Variants in ZBTB16 observed in about 807,000 individuals in gnomAD.
ZBTB16 encodes the protein zinc finger and BTB domain containing 16.
A neutral mutation model predicts 56.8 loss-of-function variants in ZBTB16; 8 were observed. The ratio of observed to expected loss-of-function variants is 0.14; its 90% confidence interval spans 0.08 to 0.25. ZBTB16 has a LOEUF of 0.25. Among genes scored for constraint, ZBTB16 ranks in the 10% least tolerant of loss-of-function variants. The pLI, the probability that ZBTB16 is intolerant of heterozygous loss-of-function variation, is 1.00. For missense variants in ZBTB16, 625 were observed against 903.0 expected, an observed-to-expected ratio of 0.69 and a Z score of 3.95; for synonymous variants, 363 against 368.5, an observed-to-expected ratio of 0.98 and a Z score of 0.17.
intron 1 of ZBTB16, among the ~76,000 whole-genome samples, chr11:114,062,640 TG>T (rs1400498777): frequency 6.6e-6 from 1 of 152,224 alleles, no homozygotes; most frequent in African/African-American, 2.4e-5. Context: ...GGATAGCCTT[TG>T]CGGAGGAGAG....
At chr11:114,082,116 C>CA (rs55670871) in intron 2 of ZBTB16, among the ~76,000 whole-genome samples, 13,440 of 138,400 alleles carry the variant, frequency 0.097, 835 homozygotes, top group Middle Eastern at 0.17. Context: ...ACGATCTTTA[C>CA]AAAAAAAAAA....
chr11:114,224,924 A>C (rs976929443), intron 4 of ZBTB16, among the ~76,000 whole-genome samples: 1 of 152,126 alleles, frequency 6.6e-6, no homozygotes, highest in Non-Finnish European at 1.5e-5. Flanking sequence ...GTGTCAGTGG[A>C]ATGATAGAAG....
At chr11:114,175,427 C>G (rs532724962) in intron 3 of ZBTB16, among the ~76,000 whole-genome samples, 26 of 152,218 alleles carry the variant, frequency 1.7e-4, no homozygotes, top group African/African-American at 6.0e-4. Flanking sequence ...CCCAACAACT[C>G]TAAGATTACC....
At chr11:114,128,970 C>T (rs931725974) in intron 2 of ZBTB16, among the ~76,000 whole-genome samples, 21 of 152,264 alleles carry the variant, frequency 1.4e-4, no homozygotes, top group Non-Finnish European at 2.9e-4. Flanking sequence ...GAGACAGGCC[C>T]CAGTGTCAGT....
chr11:114,158,121 T>C (rs1455506383), intron 3 of ZBTB16, among the ~76,000 whole-genome samples: 1 of 152,148 alleles, frequency 6.6e-6, no homozygotes, highest in Non-Finnish European at 1.5e-5. Flanking sequence ...CCAGGTTGGC[T>C]ACCCTTCCCT....
intron 2 of ZBTB16, among the ~76,000 whole-genome samples, chr11:114,142,777 G>T (rs1280017033): frequency 6.6e-6 from 1 of 152,070 alleles, no homozygotes; most frequent in Non-Finnish European, 1.5e-5. Flanking sequence ...GAGCTGGGGG[G>T]ATTGTGGAGG....
intron 4 of ZBTB16, among the ~76,000 whole-genome samples, chr11:114,218,168 G>C (rs1264166764): frequency 1.3e-5 from 2 of 152,204 alleles, no homozygotes; most frequent in Admixed American, 6.5e-5. Context: ...AAATTTCTCA[G>C]AGAAGGACCT....
intron 2 of ZBTB16, among the ~76,000 whole-genome samples, chr11:114,098,969 A>G (rs955511621): frequency 2.0e-5 from 3 of 152,178 alleles, no homozygotes; most frequent in African/African-American, 7.2e-5. Context: ...TACAGTAAAT[A>G]TTTCGGACAT....
chr11:114,187,452 C>T (rs1337023135), intron 4 of ZBTB16: 1 of 256,362 alleles, frequency 3.9e-6, no homozygotes, highest in East Asian at 8.5e-5. Context: ...GGTCCTCCCT[C>T]TGCGAGAGCT....
intron 2 of ZBTB16, among the ~76,000 whole-genome samples, chr11:114,083,498 C>T (rs1479084465): frequency 6.6e-6 from 1 of 152,120 alleles, no homozygotes; most frequent in African/African-American, 2.4e-5. Flanking sequence ...TATTGTACTT[C>T]AGCTGCCTTT....
chr11:114,249,290 C>A (rs916783541), intron 6 of ZBTB16, among the ~76,000 whole-genome samples: 1 of 151,764 alleles, frequency 6.6e-6, no homozygotes, highest in African/African-American at 2.4e-5. Context: ...GAAACCCTGT[C>A]TGTACTAAAA....
At chr11:114,240,484 G>A (rs1004076132) in intron 4 of ZBTB16, among the ~76,000 whole-genome samples, 1 of 128,176 alleles carries the variant, frequency 7.8e-6, no homozygotes, top group Admixed American at 1.0e-4. Context: ...TGGACTGACA[G>A]ATGCTAGGCC....
At chr11:114,061,506 C>T (rs955252017) in intron 1 of ZBTB16, 1 of 152,356 alleles carries the variant, frequency 6.6e-6, no homozygotes, top group African/African-American at 2.4e-5. Flanking sequence ...CCTGTGAATC[C>T]TTTCTGCGTG....
intron 2 of ZBTB16, among the ~76,000 whole-genome samples, chr11:114,067,706 C>T (rs191395496): frequency 3.9e-5 from 6 of 152,164 alleles, no homozygotes; most frequent in Admixed American, 2.0e-4. Context: ...CCTGCTGGGC[C>T]GAGAATGTGC....
At chr11:114,230,622 C>A (rs530343150) in intron 4 of ZBTB16, among the ~76,000 whole-genome samples, 1 of 40,004 alleles carries the variant, frequency 2.5e-5, no homozygotes, top group Non-Finnish European at 5.1e-5. Flanking sequence ...AATTTGTAAT[C>A]ATCTTCTGTG....
chr11:114,154,530 C>T (rs567256178), intron 2 of ZBTB16, among the ~76,000 whole-genome samples: 6 of 152,192 alleles, frequency 3.9e-5, no homozygotes, highest in Non-Finnish European at 5.9e-5. Flanking sequence ...TCACATACCC[C>T]TAGGTATGTA....
In ZBTB16 at chr11:114,064,343, T is replaced by G. The variant is rs1939027110; in HGVS notation, c.1043T>G (p.Met348Arg). 1 of 1,613,968 alleles carries G rather than the reference T, an allele frequency of 6.2e-7. No individual in the cohort carries two copies. The highest frequency in any genetic ancestry group is 8.5e-7 in the Non-Finnish European group (1 of 1,180,032). Reference sequence around the variant, plus strand: ...CACAAGGCTGACGCTGTATTGAGCATGCCGTCTTCCGTGACCTCTGGCCTC... The same window carrying G: ...CACAAGGCTGACGCTGTATTGAGCAGGCCGTCTTCCGTGACCTCTGGCCTC... ...PNHKADAVLSMPSSVTSGLHV... is the reference protein window; with the variant it reads ...PNHKADAVLSRPSSVTSGLHV... Residue 348 changes from methionine (M) to arginine (R), a missense_variant, in exon 2 of 7, where the codon ATG becomes AGG. Met to Arg is a moderately conservative substitution (Grantham distance 91). Around this residue, in one of 6 missense-constraint regions of ZBTB16, gnomAD observed 384 missense variants for 393.5 expected, o/e 0.98. Coordinates refer to ENST00000335953, the MANE Select transcript of ZBTB16 (RefSeq NM_006006.6). The surrounding 1 kb of genome is among the most constrained non-coding windows in gnomAD (Gnocchi z 4.2).
chr11:114,196,846 A>T (rs1195326477), intron 4 of ZBTB16, among the ~76,000 whole-genome samples: 1 of 152,122 alleles, frequency 6.6e-6, no homozygotes, highest in Admixed American at 6.5e-5. Context: ...ATAGTCCAAA[A>T]ATATAGACCT....
Position 114,254,933 on chromosome 11 carries a change from C to T in ZBTB16, c.*4378C>T, listed in dbSNP as rs1565713685. ...GAAAGAGGGGTGCAGGCCCTGCAGGCCGGTTAGCCAGCAGCTGCGGCCTCC... is the reference window on the plus strand; with the variant it reads ...GAAAGAGGGGTGCAGGCCCTGCAGGTCGGTTAGCCAGCAGCTGCGGCCTCC... On this transcript the variant is annotated 3_prime_UTR_variant, in exon 7 of 7. Transcript: ENST00000335953. Among the ~76,000 whole-genome samples the T allele has an allele frequency of 6.6e-6, 1 of 152,156 alleles. No homozygotes were observed. Among genetic ancestry groups the T allele is most frequent in the Non-Finnish European group, 1.5e-5 (1 of 68,036 alleles).
Sources: gnomAD v4.1 joint callset for allele counts (sites outside exome capture counted in the v4.1 genomes callset) on GRCh38, gnomAD v4.1.1 for gene constraint, gnomAD v4.1.1 regional missense constraint, Gnocchi (gnomAD v3.1) non-coding constraint, MANE v1.5 for transcripts, NCBI Gene and HGNC (gene_info 2026-07-23, HGNC 2026-07-21) for gene names.